The following ALDH1L1 variants were observed in gnomAD, a reference collection of about 807,000 sequenced individuals.
ALDH1L1 encodes the protein cytosolic 10-formyltetrahydrofolate dehydrogenase.
Under a neutral mutation model 101.1 loss-of-function variants are expected in ALDH1L1, and 68 were observed. The observed-to-expected ratio is 0.67, with a 90% CI of 0.55 to 0.82. The LOEUF (loss-of-function observed/expected upper bound fraction) is 0.82, where lower values mean the gene tolerates loss of function less well. Among genes scored for constraint, ALDH1L1 ranks in the 40% least tolerant of loss-of-function variants. The probability of loss-of-function intolerance (pLI) is 0.00; values close to 1 mark genes in which losing one functional copy is unlikely to be tolerated. For synonymous variants in ALDH1L1, 486 were observed against 470.8 expected (o/e 1.03, Z -0.42); for missense variants, 1,087 against 1,172.7 (o/e 0.93, Z 1.07).
At position 126,158,433 on chromosome 3, in the gene ALDH1L1, T is replaced by C. The variant is rs1392355744; in HGVS notation, c.334A>G (p.Arg112Gly). The change falls in exon 3 of 23, where the codon AGG becomes GGG. Residue 112 changes from arginine to glycine, a missense_variant. Arg to Gly is a moderately radical substitution (Grantham distance 125). Coordinates refer to ENST00000393434, the MANE Select transcript of ALDH1L1 (RefSeq NM_012190.4). ...TTGATGGCCGAGGCCCCTCGGTGCC[T>C]AGGGAGCAGTGACGGGTGATAGATG... ...SIIYHPSLLP[R>G]HRGASAINWT... 4 of 1,609,284 alleles carry C rather than the reference T, an allele frequency of 2.5e-6. No homozygotes were observed. The highest frequency in any genetic ancestry group is 3.4e-6 in the Non-Finnish European group (4 of 1,176,958).
At chr3:126,126,334 C>T (rs558969896) in intron 14 of ALDH1L1, among the ~76,000 whole-genome samples, 3 of 152,160 alleles carry the variant, frequency 2.0e-5, no homozygotes, top group Non-Finnish European at 4.4e-5. Flanking sequence ...GGCACACTGG[C>T]CGGGTATGAA....
intron 16 of ALDH1L1, among the ~76,000 whole-genome samples, chr3:126,123,014 T>C (rs949970566): frequency 3.9e-5 from 6 of 152,174 alleles, no homozygotes; most frequent in Non-Finnish European, 8.8e-5. Context: ...TGAGACTGGA[T>C]AAAAAACAAG....
At chr3:126,182,168 G>T (rs1486594140), upstream of ALDH1L1, among the ~76,000 whole-genome samples, 1 of 151,552 alleles carries the variant, frequency 6.6e-6, no homozygotes, top group African/African-American at 2.4e-5. Context: ...TTTTTTTGAG[G>T]TAGAGTCTCA....
intron 2 of ALDH1L1, 34 bp from the exon 3 acceptor site, chr3:126,158,673 C>T (rs752611787): frequency 7.6e-6 from 12 of 1,588,290 alleles, no homozygotes; most frequent in Admixed American, 1.7e-5. Flanking sequence ...TGGCCCCTCT[C>T]CATAACCCAC....
intron 17 of ALDH1L1, among the ~76,000 whole-genome samples, chr3:126,115,885 T>C (rs572954960): frequency 2.0e-5 from 3 of 152,020 alleles, no homozygotes; most frequent in African/African-American, 4.8e-5. Flanking sequence ...TTTTTTTTTT[T>C]CCTTTGAGAT....
intron 6 of ALDH1L1, among the ~76,000 whole-genome samples, chr3:126,154,113 G>A (rs2080859984): frequency 2.0e-5 from 3 of 152,114 alleles, no homozygotes; most frequent in Non-Finnish European, 4.4e-5. Flanking sequence ...ACACAGTCCC[G>A]CCACCCCTGA....
intron 1 of ALDH1L1, among the ~76,000 whole-genome samples, chr3:126,176,330 A>G (rs1255458888): frequency 2.0e-5 from 3 of 152,184 alleles, no homozygotes; most frequent in African/African-American, 7.2e-5. Context: ...CAACAAACTG[A>G]TTCTCAAGTT....
chr3:126,163,298 T>G (rs192240568), intron 1 of ALDH1L1, among the ~76,000 whole-genome samples: 49 of 152,342 alleles, frequency 3.2e-4, no homozygotes, highest in African/African-American at 1.1e-3. Flanking sequence ...ACTGACGTTG[T>G]ATTAACTAGC....
intron 1 of ALDH1L1, among the ~76,000 whole-genome samples, chr3:126,179,141 G>A (rs924326753): frequency 3.9e-5 from 6 of 152,238 alleles, no homozygotes; most frequent in African/African-American, 9.6e-5. Flanking sequence ...CTTGTGGGCC[G>A]TATGGGCCGC....
At chr3:126,111,002 C>G (rs1413209272) in intron 19 of ALDH1L1, among the ~76,000 whole-genome samples, 1 of 152,232 alleles carries the variant, frequency 6.6e-6, no homozygotes, top group Non-Finnish European at 1.5e-5. Flanking sequence ...GACCCCCAGA[C>G]AGGACCTTGT....
intron 1 of ALDH1L1, among the ~76,000 whole-genome samples, chr3:126,193,436 A>G (rs2081564687): frequency 6.6e-6 from 1 of 152,068 alleles, no homozygotes; most frequent in Admixed American, 6.5e-5. Context: ...GCCTCCTATA[A>G]TTTTGTTTTT....
At chr3:126,144,840 A>T (rs760328019) in intron 9 of ALDH1L1, among the ~76,000 whole-genome samples, 2 of 152,250 alleles carry the variant, frequency 1.3e-5, no homozygotes, top group Non-Finnish European at 2.9e-5. Context: ...GCAAAAATAT[A>T]CAAGTCATAT....
chr3:126,150,620 T>A lies in ALDH1L1; in HGVS notation c.859-89A>T, dbSNP rs1287400011. On this transcript the variant is annotated intron_variant, in intron 7 of 22. Coordinates refer to ENST00000393434, the MANE Select transcript of ALDH1L1 (RefSeq NM_012190.4). ...CCCAGGCTGGAGTGCAGTGGTGCGATCTCGGCTCACTACAACCTCCGCCTC... is the reference window on the plus strand; with the variant it reads ...CCCAGGCTGGAGTGCAGTGGTGCGAACTCGGCTCACTACAACCTCCGCCTC... The A allele has an allele frequency of 4.2e-6, 6 of 1,432,798 alleles. No homozygotes were observed. The Admixed American group carries it at 1.3e-4, about 31-fold the overall frequency. 88.8% of individuals were successfully genotyped at this position (1,432,798 alleles called of 1,614,324 possible). A position where few individuals can be genotyped will look rare whatever the true frequency, so the allele number is the denominator to read the frequency against.
intron 1 of ALDH1L1, chr3:126,180,218 C>G (rs1408274255): frequency 6.1e-6 from 1 of 165,212 alleles, no homozygotes; most frequent in Non-Finnish European, 1.3e-5. Flanking sequence ...CCGGCCAGAT[C>G]CTCGGCGGGC....
chr3:126,151,786 G>A lies in ALDH1L1; in HGVS notation c.859-1255C>T, dbSNP rs111541282. ...AAAGCCCAGCCAGACTCCACAGGGC[G>A]TGGCTGAGAGATGCTTCAACCCAGG... On this transcript the variant is annotated intron_variant, in intron 7 of 22. Coordinates refer to ENST00000393434, the MANE Select transcript of ALDH1L1 (RefSeq NM_012190.4). 1.1e-4 allele frequency: 18 copies of A among 156,848 alleles called. No individual in the cohort carries two copies. The South Asian group carries it at 1.2e-3, about 11-fold the overall frequency. The allele number at this position is 156,848 out of a possible 1,614,324, so 9.7% of individuals were successfully genotyped here.
rs758936375 is a variant in ALDH1L1 at position 126,125,634 on chromosome 3, C to T, written c.1782G>A (p.Val594=). 1.4e-5 allele frequency: 23 copies of T among 1,594,856 alleles called. No homozygotes were observed. Among genetic ancestry groups the T allele is most frequent in the Non-Finnish European group, 2.0e-5 (23 of 1,169,724 alleles). Residue 594 remains valine, a synonymous_variant, in exon 15 of 23, where the codon GTG becomes GTA. Transcript: ENST00000393434. ...CGCTCACCTGAGCAGGCTTGATCAC[C>T]ACTGTGTTCCCGGCAGCCAGGCAGG... is the stretch of plus-strand genomic sequence containing the variant. ...TAACLAAGNT[V]VIKPAQVTPL... is the part of the protein sequence containing the mutation.
intron 20 of ALDH1L1, 57 bp from the exon 21 acceptor site, chr3:126,107,303 C>CCT (rs1945913557): frequency 2.8e-6 from 4 of 1,446,320 alleles, no homozygotes; most frequent in Middle Eastern, 3.5e-4. Flanking sequence ...GATGGTCCAG[C>CCT]CTCTCCGTCA....
intron 1 of ALDH1L1, among the ~76,000 whole-genome samples, chr3:126,187,882 C>T (rs933384209): frequency 3.1e-5 from 4 of 130,078 alleles, no homozygotes; most frequent in African/African-American, 5.9e-5. Context: ...CGGGTGACAA[C>T]GGCTCTGTCA....
intron 1 of ALDH1L1, among the ~76,000 whole-genome samples, chr3:126,170,425 A>G (rs1043778718): frequency 1.0e-4 from 3 of 29,058 alleles, no homozygotes; most frequent in African/African-American, 5.8e-4. Context: ...GCCTGTCATT[A>G]AAAAAAAAAA....
Sources: gnomAD v4.1 joint callset for allele counts (sites outside exome capture counted in the v4.1 genomes callset) on GRCh38, gnomAD v4.1.1 for gene constraint, MANE v1.5 for transcripts, NCBI Gene and HGNC (gene_info 2026-07-23, HGNC 2026-07-21) for gene names.